TMEM131L: variants seen among roughly 807,000 people sequenced by gnomAD.
The protein encoded by TMEM131L is transmembrane 131 like.
In TMEM131L, 54 loss-of-function variants were observed where a neutral mutation model predicts 192.2. That is an observed-to-expected ratio of 0.28 (90% CI 0.23 to 0.35). TMEM131L has a LOEUF of 0.35. TMEM131L is among the 10% of genes least tolerant of loss of function. The probability of loss-of-function intolerance (pLI) is 1.00; values close to 1 mark genes in which losing one functional copy is unlikely to be tolerated. For synonymous variants in TMEM131L, 701 were observed against 704.9 expected (o/e 0.99, Z 0.09); for missense variants, 1,888 against 1,972.9 (o/e 0.96, Z 0.82).
intron 3 of TMEM131L, among the ~76,000 whole-genome samples, chr4:153,542,279 G>T (rs1452394785): frequency 1.3e-5 from 2 of 152,196 alleles, no homozygotes; most frequent in Non-Finnish European, 2.9e-5. Flanking sequence ...AGGAGGTAGT[G>T]GGGAGGTTTC....
chr4:153,606,463 A>AACAC (rs1732246173), intron 25 of TMEM131L, among the ~76,000 whole-genome samples: 1 of 152,220 alleles, frequency 6.6e-6, no homozygotes, highest in Admixed American at 6.5e-5. Context: ...ATATAAAGGC[A>AACAC]TGGATGAGAA....
At position 153,598,570 on chromosome 4, in the gene TMEM131L, T is replaced by A; in HGVS notation, c.2124-20T>A. 1 of 1,606,266 alleles carries A rather than the reference T, an allele frequency of 6.2e-7. No individual in the cohort carries two copies. The highest frequency in any genetic ancestry group is 8.5e-7 in the Non-Finnish European group (1 of 1,173,800). On this transcript the variant is annotated intron_variant, in intron 20 of 34. Coordinates refer to ENST00000409959, the MANE Select transcript of TMEM131L (RefSeq NM_001131007.2). The stretch of plus-strand genomic sequence containing the variant: ...TGACTCCATGTAATGCCTTTTTATA[T>A]CTATTTCCTTTCACTACAGGAATAA...
intron 19 of TMEM131L, 35 bp downstream of exon 19, chr4:153,593,906 C>A: frequency 7.1e-7 from 1 of 1,411,112 alleles, no homozygotes; most frequent in Non-Finnish European, 1.0e-6. Context: ...AAAAGAATGC[C>A]GACAAACTAG....
Position 153,602,526 on chromosome 4 carries a change from ACT to A in TMEM131L, c.2454-13_2454-12del, listed in dbSNP as rs780383649. 6.2e-7 allele frequency: 1 copy of A among 1,610,480 alleles called. No homozygotes were observed. Among genetic ancestry groups the A allele is most frequent in the African/African-American group, 1.3e-5 (1 of 74,786 alleles). The stretch of plus-strand genomic sequence containing the variant: ...AAACAATTAAAAGTTCATAAAGATG[ACT>A]CTTTTATTTTCAGGTTCACTCCAGA... On this transcript the variant is annotated splice_polypyrimidine_tract_variant and intron_variant, in intron 22 of 34. Coordinates refer to ENST00000409959, the MANE Select transcript of TMEM131L (RefSeq NM_001131007.2).
chr4:153,552,124 T>A (rs1737670959), intron 4 of TMEM131L, among the ~76,000 whole-genome samples: 4 of 152,124 alleles, frequency 2.6e-5, no homozygotes. Context: ...GCACAAGAGT[T>A]GCTTGAGCCT....
At chr4:153,508,805 C>A (rs1734159260) in intron 3 of TMEM131L, among the ~76,000 whole-genome samples, 1 of 151,736 alleles carries the variant, frequency 6.6e-6, no homozygotes, top group African/African-American at 2.4e-5. Context: ...TCACCACGCC[C>A]TGCTAATTTT....
At chr4:153,614,148 C>A (rs1179551502) in intron 26 of TMEM131L, among the ~76,000 whole-genome samples, 1 of 152,150 alleles carries the variant, frequency 6.6e-6, no homozygotes, top group African/African-American at 2.4e-5. Flanking sequence ...GTAGAGGAAC[C>A]ATTGAGGCAT....
intron 7 of TMEM131L, among the ~76,000 whole-genome samples, chr4:153,562,902 A>G (rs1341439606): frequency 6.6e-6 from 1 of 152,244 alleles, no homozygotes; most frequent in African/African-American, 2.4e-5. Flanking sequence ...ACTGAGACTA[A>G]GATGATAGTA....
chr4:153,535,764 G>A (rs1736270913), intron 3 of TMEM131L, among the ~76,000 whole-genome samples: 1 of 152,114 alleles, frequency 6.6e-6, no homozygotes, highest in Admixed American at 6.5e-5. Flanking sequence ...GGAGAGTCAG[G>A]CAAAAGGAAA....
chr4:153,605,861 T>C (rs546146744), intron 25 of TMEM131L, among the ~76,000 whole-genome samples: 55 of 152,360 alleles, frequency 3.6e-4, no homozygotes, highest in South Asian at 8.3e-4. Flanking sequence ...TAAGGACATT[T>C]CTAATTTAAA....
chr4:153,531,843 T>A (rs2150240481), intron 3 of TMEM131L, among the ~76,000 whole-genome samples: 1 of 152,318 alleles, frequency 6.6e-6, no homozygotes, highest in Admixed American at 6.5e-5. Context: ...GTTTTAAGGA[T>A]CACATGTCTG....
intron 7 of TMEM131L, among the ~76,000 whole-genome samples, chr4:153,565,938 A>G (rs934169326): frequency 1.2e-4 from 18 of 152,316 alleles, no homozygotes; most frequent in African/African-American, 4.1e-4. Flanking sequence ...GATTCAAGCC[A>G]TTGAGATTTG....
At chr4:153,510,352 A>T (rs1051917516) in intron 3 of TMEM131L, among the ~76,000 whole-genome samples, 1 of 152,162 alleles carries the variant, frequency 6.6e-6, no homozygotes, top group Admixed American at 6.5e-5. Flanking sequence ...AGTGTTAATC[A>T]GTTCTAACAC....
chr4:153,478,794 A>C (rs997183659), intron 3 of TMEM131L, among the ~76,000 whole-genome samples: 1 of 152,214 alleles, frequency 6.6e-6, no homozygotes, highest in Non-Finnish European at 1.5e-5. Context: ...CTTATTTATG[A>C]AGTTATTAAC....
At chr4:153,590,993 A>C in intron 16 of TMEM131L, 60 bp from the exon 17 acceptor site, 2 of 1,165,812 alleles carry the variant, frequency 1.7e-6, no homozygotes, top group Non-Finnish European at 2.3e-6. Context: ...AAAATTATTA[A>C]ATATTAAATT....
intron 3 of TMEM131L, among the ~76,000 whole-genome samples, chr4:153,488,039 G>A (rs1561123651): frequency 1.3e-5 from 2 of 148,436 alleles, no homozygotes; most frequent in Non-Finnish European, 3.0e-5. Flanking sequence ...ATGACTGAGG[G>A]GTGTGTGTGT....
At chr4:153,522,086 T>G (rs1735159734) in intron 3 of TMEM131L, among the ~76,000 whole-genome samples, 1 of 152,146 alleles carries the variant, frequency 6.6e-6, no homozygotes, top group Non-Finnish European at 1.5e-5. Context: ...TCTGGTTTTC[T>G]TGGGTGTGAG....
Position 153,604,358 on chromosome 4 carries a change from G to C in TMEM131L, c.3346G>C (p.Glu1116Gln), listed in dbSNP as rs754002190. Reference sequence around the variant, plus strand: ...ACTGAAGACCTCCAAGAAACTACCTGAAAACCATTTACCAAGAAACTCACC... The same window carrying C: ...ACTGAAGACCTCCAAGAAACTACCTCAAAACCATTTACCAAGAAACTCACC... ...CPLKTSKKLP[E>Q]NHLPRNSPQY... Residue 1116 changes from glutamate to glutamine, a missense_variant, in exon 25 of 35, where the codon GAA becomes CAA. Coordinates refer to ENST00000409959, the MANE Select transcript of TMEM131L (RefSeq NM_001131007.2). 1 of 1,613,910 alleles carries C rather than the reference G, an allele frequency of 6.2e-7. No homozygotes were observed. Among genetic ancestry groups the C allele is most frequent in the South Asian group, 1.1e-5 (1 of 91,034 alleles).
chr4:153,627,663 C>A lies in TMEM131L; in HGVS notation c.4183C>A (p.Pro1395Thr), dbSNP rs1017917429. 6.2e-7 allele frequency: 1 copy of A among 1,613,906 alleles called. No individual in the cohort carries two copies. The highest frequency in any genetic ancestry group is 1.7e-5 in the Admixed American group (1 of 60,028). Residue 1395 changes from proline (P) to threonine (T), a missense_variant, in exon 31 of 35, where the codon CCC becomes ACC. Physicochemically the swap from Pro to Thr is conservative, Grantham distance 38. Coordinates refer to ENST00000409959, the MANE Select transcript of TMEM131L (RefSeq NM_001131007.2). ...EPSCPSLPAG[P>T]TGVEEDKGLY... ...TTCCTGTCCCAGCCTTCCTGCCGGG[C>A]CCACAGGTGTTGAAGAAGATAAAGG...
Sources: gnomAD v4.1 joint callset for allele counts (sites outside exome capture counted in the v4.1 genomes callset) on GRCh38, gnomAD v4.1.1 for gene constraint, MANE v1.5 for transcripts, NCBI Gene and HGNC (gene_info 2026-07-23, HGNC 2026-07-21) for gene names.